Variants in ABLIM3 observed in about 807,000 individuals in gnomAD.
The protein encoded by ABLIM3 is actin binding LIM protein family member 3.
Under a neutral mutation model 109.5 loss-of-function variants are expected in ABLIM3, and 61 were observed. That is an observed-to-expected ratio of 0.56 (90% CI 0.45 to 0.69). The LOEUF is 0.69. Ranked by LOEUF, ABLIM3 falls within the 30% of genes least tolerant of loss-of-function variation. ABLIM3 has a pLI of 0.00. For synonymous variants in ABLIM3, 300 were observed against 324.8 expected (o/e 0.92, Z 0.82); for missense variants, 796 against 889.5 (o/e 0.89, Z 1.34).
intron 8 of ABLIM3, 31 bp from the exon 9 acceptor site, chr5:149,230,618 C>A (rs774111616): frequency 1.2e-6 from 2 of 1,612,924 alleles, no homozygotes; most frequent in South Asian, 2.2e-5. Context: ...TTTGAAAGGT[C>A]TGAGTCTTCG....
intron 5 of ABLIM3, 144 bp from the exon 6 acceptor site, chr5:149,206,864 A>T: frequency 1.9e-6 from 2 of 1,047,626 alleles, no homozygotes; most frequent in Non-Finnish European, 2.6e-6. Context: ...CCCCTGGGAG[A>T]GCCTCTGGGA....
At chr5:149,161,396 C>T (rs926517144) in intron 2 of ABLIM3, among the ~76,000 whole-genome samples, 3 of 152,188 alleles carry the variant, frequency 2.0e-5, no homozygotes, top group Admixed American at 1.3e-4. Flanking sequence ...ATTCTGCCTT[C>T]CCTCTCTGCC....
chr5:149,226,510 A>C (rs1761300492), intron 8 of ABLIM3, among the ~76,000 whole-genome samples: 1 of 152,108 alleles, frequency 6.6e-6, no homozygotes. Context: ...CCAGAGAGGA[A>C]ACCTGCCGTA....
intron 2 of ABLIM3, among the ~76,000 whole-genome samples, chr5:149,164,718 A>G (rs1471806891): frequency 1.3e-5 from 2 of 152,216 alleles, no homozygotes; most frequent in African/African-American, 4.8e-5. Flanking sequence ...AAGAAAGCTC[A>G]TATTTGGAGA....
chr5:149,242,663 G>GT (rs1319233121), intron 15 of ABLIM3, 125 bp downstream of exon 15: 1 of 1,014,086 alleles, frequency 9.9e-7, no homozygotes, highest in Non-Finnish European at 1.6e-6. Context: ...GGTCCTTCTT[G>GT]TTGACTGCCC....
At position 149,250,473 on chromosome 5, in the gene ABLIM3, C is replaced by G. The variant is rs1753816011; in HGVS notation, c.1756C>G (p.Leu586Val). Residue 586 changes from leucine (L) to valine (V), a missense_variant, in exon 20 of 24, where the codon CTG becomes GTG. By Grantham distance (32) the Leu-to-Val change is conservative. Transcript: ENST00000309868. ...SDPLISKSAS[L>V]PAYRRNGLHR... ...TCCTCTCATCTCCAAATCTGCCTCC[C>G]TGCCTGCCTACCGAAGAAATGGGCT... The G allele has an allele frequency of 4.3e-6, 7 of 1,614,070 alleles. No individual in the cohort carries two copies. Among genetic ancestry groups the G allele is most frequent in the Middle Eastern group, 3.3e-4 (2 of 6,082 alleles).
At chr5:149,148,905 T>C (rs573707154) in intron 2 of ABLIM3, among the ~76,000 whole-genome samples, 48 of 152,342 alleles carry the variant, frequency 3.2e-4, no homozygotes, top group Non-Finnish European at 5.4e-4. Context: ...TCACCAAGGC[T>C]GGCCTCCTCA....
chr5:149,233,404 A>G, intron 10 of ABLIM3, 104 bp downstream of exon 10: 1 of 1,157,334 alleles, frequency 8.6e-7, no homozygotes, highest in Non-Finnish European at 1.3e-6. Flanking sequence ...TCCAGCTGAC[A>G]TTTGATGCAT....
At chr5:149,200,754 C>T in intron 5 of ABLIM3, 1 of 307,968 alleles carries the variant, frequency 3.2e-6, no homozygotes, top group East Asian at 5.9e-5. Context: ...TGTTTTTTCA[C>T]CAGTGGCTCT....
intron 7 of ABLIM3, among the ~76,000 whole-genome samples, chr5:149,214,629 C>T (rs1759871960): frequency 6.6e-6 from 1 of 152,296 alleles, no homozygotes; most frequent in South Asian, 2.1e-4. Context: ...AGAATGATGG[C>T]CATGCAGGAA....
intron 19 of ABLIM3, 152 bp downstream of exon 19, chr5:149,249,996 A>T: frequency 9.6e-7 from 1 of 1,037,898 alleles, no homozygotes; most frequent in Non-Finnish European, 1.4e-6. Flanking sequence ...TATTTGTCAG[A>T]TTGTGGGTCT....
intron 2 of ABLIM3, among the ~76,000 whole-genome samples, chr5:149,151,415 AATCC>A (rs1753422917): frequency 6.6e-6 from 1 of 152,230 alleles, no homozygotes; most frequent in South Asian, 2.1e-4. Context: ...GACACAATTC[AATCC>A]ATAATAGAGT....
chr5:149,226,301 T>C (rs1293389869), intron 8 of ABLIM3, among the ~76,000 whole-genome samples: 1 of 151,830 alleles, frequency 6.6e-6, no homozygotes, highest in African/African-American at 2.4e-5. Flanking sequence ...CTGGCTAACA[T>C]GGTGAAACCC....
chr5:149,253,023 C>T (rs1754086617), intron 23 of ABLIM3, among the ~76,000 whole-genome samples, 186 bp downstream of exon 23: 1 of 152,066 alleles, frequency 6.6e-6, no homozygotes, highest in Non-Finnish European at 1.5e-5. Context: ...CCAAAACTGT[C>T]CCATGCTGTT....
intron 6 of ABLIM3, 44 bp downstream of exon 6, chr5:149,207,178 T>C (rs771899901): frequency 2.5e-6 from 4 of 1,599,912 alleles, no homozygotes; most frequent in Non-Finnish European, 2.6e-6. Flanking sequence ...GCCTCTGCAT[T>C]CTGTGAGGCC....
intron 14 of ABLIM3, among the ~76,000 whole-genome samples, chr5:149,241,139 C>T (rs2127560207): frequency 1.3e-5 from 2 of 152,340 alleles, no homozygotes; most frequent in Middle Eastern, 6.8e-3. Context: ...GATGCAGCTG[C>T]TTATAAGCTC....
Position 149,233,217 on chromosome 5 carries a change from T to C in ABLIM3, c.817-12T>C. 6.2e-7 allele frequency: 1 copy of C among 1,614,024 alleles called. No individual in the cohort carries two copies. Among genetic ancestry groups the C allele is most frequent in the Non-Finnish European group, 8.5e-7 (1 of 1,179,922 alleles). On this transcript the variant is annotated splice_polypyrimidine_tract_variant and intron_variant, in intron 9 of 23. Coordinates refer to ENST00000309868, the MANE Select transcript of ABLIM3 (RefSeq NM_014945.5). ...CAGCTTCTCACCTTTTCTGTCTTCA[T>C]CTCTCTCACAGCATAGACGGACATC...
At position 149,196,190 on chromosome 5, in the gene ABLIM3, C is replaced by T. The variant is rs10073962; in HGVS notation, c.152-2029C>T. On this transcript the variant is annotated intron_variant, in intron 3 of 23. Transcript: ENST00000309868. ...GACTTCTGAAGCTGCCTTCTCCTCA[C>T]TCAGCCTCACCCCTTAAGCCTCCAG... Among the ~76,000 whole-genome samples, 1,409 of 152,322 alleles carry T rather than the reference C, an allele frequency of 9.3e-3. 25 individuals carry two copies. The highest frequency in any genetic ancestry group is 0.032 in the African/African-American group (1,317 of 41,562).
At position 149,242,481 on chromosome 5, in the gene ABLIM3, T is replaced by C. The variant is rs1271743397; in HGVS notation, c.1304-10T>C. On this transcript the variant is annotated splice_polypyrimidine_tract_variant and intron_variant, in intron 14 of 23. Coordinates refer to ENST00000309868, the MANE Select transcript of ABLIM3 (RefSeq NM_014945.5). Reference sequence around the variant, plus strand: ...CCCTCCCCACTGTCCCTTCCTGGTCTGTCTGGCAGCTGGAGACAGTAACAT... The same window carrying C: ...CCCTCCCCACTGTCCCTTCCTGGTCCGTCTGGCAGCTGGAGACAGTAACAT... 4 of 1,614,130 alleles carry C rather than the reference T, an allele frequency of 2.5e-6. No homozygotes were observed. Among genetic ancestry groups the C allele is most frequent in the Non-Finnish European group, 3.4e-6 (4 of 1,179,976 alleles).
Sources: gnomAD v4.1 joint callset for allele counts (sites outside exome capture counted in the v4.1 genomes callset) on GRCh38, gnomAD v4.1.1 for gene constraint, MANE v1.5 for transcripts, NCBI Gene and HGNC (gene_info 2026-07-23, HGNC 2026-07-21) for gene names.